The following ROS1 variants were observed in gnomAD, a reference collection of about 807,000 sequenced individuals.
ROS1 encodes proto-oncogene tyrosine-protein kinase ROS.
Under a neutral mutation model 273.5 loss-of-function variants are expected in ROS1, and 263 were observed. The ratio of observed to expected loss-of-function variants is 0.96; its 90% CI spans 0.87 to 1.06. ROS1 has a LOEUF of 1.06. Ranked by LOEUF, ROS1 falls within the 50% of genes least tolerant of loss-of-function variation. The pLI is 0.00. For missense variants in ROS1, 2,833 were observed against 2,751.1 expected, an observed-to-expected ratio of 1.03 and a Z score of -0.67; for synonymous variants, 1,008 against 954.1, an observed-to-expected ratio of 1.06 and a Z score of -1.04.
chr6:117,407,684 A>C (rs2128731574), intron 5 of ROS1, among the ~76,000 whole-genome samples: 1 of 152,306 alleles, frequency 6.6e-6, no homozygotes, highest in South Asian at 2.1e-4. Context: ...CAAGCTACCA[A>C]TGACTTTCTT....
At chr6:117,292,144 T>C (rs969490415) in intron 43 of ROS1, among the ~76,000 whole-genome samples, 29 of 151,906 alleles carry the variant, frequency 1.9e-4, no homozygotes, top group South Asian at 4.1e-4. Context: ...TAATTTTTTC[T>C]ATTTTTTAGT....
At chr6:117,376,559 C>A (rs1781348625) in intron 18 of ROS1, among the ~76,000 whole-genome samples, 1 of 151,952 alleles carries the variant, frequency 6.6e-6, no homozygotes, top group Non-Finnish European at 1.5e-5. Context: ...TATAAATTAA[C>A]TTAAAAATGT....
At chr6:117,314,549 A>G (rs1184585845) in intron 39 of ROS1, among the ~76,000 whole-genome samples, 2 of 152,180 alleles carry the variant, frequency 1.3e-5, no homozygotes, top group Non-Finnish European at 2.9e-5. Flanking sequence ...GCTTTTGTCT[A>G]TAGAAAACAA....
At chr6:117,366,010 C>A in intron 19 of ROS1, 66 bp downstream of exon 19, 1 of 1,326,606 alleles carries the variant, frequency 7.5e-7, no homozygotes, top group Non-Finnish European at 1.1e-6. Context: ...AAAAAATATC[C>A]CAACCTAAAC....
chr6:117,408,974 A>C (rs1373512893), intron 5 of ROS1, among the ~76,000 whole-genome samples: 2 of 150,480 alleles, frequency 1.3e-5, no homozygotes, highest in African/African-American at 4.9e-5. Context: ...ACAAAAAACC[A>C]AACACTGCAT....
chr6:117,378,745 A>G (rs1298673953), intron 18 of ROS1, among the ~76,000 whole-genome samples: 2 of 152,142 alleles, frequency 1.3e-5, no homozygotes, highest in Non-Finnish European at 2.9e-5. Flanking sequence ...TCACAGGAAG[A>G]GTTCTGCCTT....
At chr6:117,397,686 G>C (rs1211907059) in intron 7 of ROS1, among the ~76,000 whole-genome samples, 1 of 152,164 alleles carries the variant, frequency 6.6e-6, no homozygotes, top group Non-Finnish European at 1.5e-5. Context: ...TGGAAATCCA[G>C]GCTGACTGAG....
chr6:117,379,013 G>T, intron 18 of ROS1, 46 bp downstream of exon 18: 3 of 1,135,110 alleles, frequency 2.6e-6, no homozygotes, highest in South Asian at 2.7e-5. Flanking sequence ...ATTTATGACT[G>T]ACAAGTTTTC....
At chr6:117,350,769 C>T (rs1778777447) in intron 27 of ROS1, among the ~76,000 whole-genome samples, 1 of 150,472 alleles carries the variant, frequency 6.6e-6, no homozygotes, top group Non-Finnish European at 1.5e-5. Context: ...TCCTCAGCCA[C>T]ATCCAGTCTA....
chr6:117,355,856 C>T (rs1484338349), intron 26 of ROS1, among the ~76,000 whole-genome samples: 2 of 152,096 alleles, frequency 1.3e-5, no homozygotes, highest in Non-Finnish European at 2.9e-5. Flanking sequence ...AGTGATCTAC[C>T]CACCTCGGCC....
intron 7 of ROS1, among the ~76,000 whole-genome samples, chr6:117,401,693 A>C (rs78719096): frequency 2.6e-5 from 4 of 152,016 alleles, no homozygotes; most frequent in Admixed American, 2.6e-4. Context: ...TCCTAGAACA[A>C]TGTCTGGTAT....
intron 18 of ROS1, among the ~76,000 whole-genome samples, chr6:117,378,618 C>T (rs867416387): frequency 3.9e-5 from 6 of 151,992 alleles, no homozygotes; most frequent in Admixed American, 1.3e-4. Context: ...TCTGACAATG[C>T]TAATGTGGAA....
chr6:117,394,839 G>A (rs866331110), intron 9 of ROS1, 101 bp from the exon 10 acceptor site: 5 of 1,042,260 alleles, frequency 4.8e-6, no homozygotes, highest in Non-Finnish European at 6.6e-6. Flanking sequence ...GGGGACTAGT[G>A]CTTGAAAGAG....
Position 117,326,427 on chromosome 6 carries a change from A to C in ROS1, c.5349-13T>G. The C allele has an allele frequency of 6.9e-7, 1 of 1,446,764 alleles. No homozygotes were observed. The highest frequency in any genetic ancestry group is 1.3e-5 in the South Asian group (1 of 75,398). The allele number at this position is 1,446,764 out of a possible 1,614,324, so 89.6% of individuals were successfully genotyped here. A position where few individuals can be genotyped will look rare whatever the true frequency, so the allele number is the denominator to read the frequency against. ...TGAAGTGCTCTTTCTGCAAAAAATA[A>C]TAAATACAGAAAATATACATGACAA... On this transcript the variant is annotated splice_polypyrimidine_tract_variant and intron_variant, in intron 33 of 43. Coordinates refer to ENST00000368507, the MANE Select transcript of ROS1 (RefSeq NM_001378902.1).
chr6:117,406,239 T>A (rs577480327), intron 5 of ROS1, among the ~76,000 whole-genome samples: 1 of 152,118 alleles, frequency 6.6e-6, no homozygotes, highest in Admixed American at 6.5e-5. Context: ...TATTTATTTA[T>A]TATGTTATTA....
Position 117,310,165 on chromosome 6 carries a change from T to C in ROS1, c.6332A>G (p.Lys2111Arg). 1 of 1,613,458 alleles carries C rather than the reference T, an allele frequency of 6.2e-7. No homozygotes were observed. Among genetic ancestry groups the C allele is most frequent in the South Asian group, 1.1e-5 (1 of 91,074 alleles). Residue 2111 changes from lysine to arginine, a missense_variant, in exon 41 of 44, where the codon AAG (lysine) becomes AGG (arginine). Coordinates refer to ENST00000368507, the MANE Select transcript of ROS1 (RefSeq NM_001378902.1). The part of the protein sequence containing the change: ...RDIYKNDYYR[K>R]RGEGLLPVRW... Reference sequence around the variant, plus strand: ...AACTGGGAGCAGGCCTTCCCCTCTCTTTCTATAGTAATCATTTTTATAGAT... The same window carrying C: ...AACTGGGAGCAGGCCTTCCCCTCTCCTTCTATAGTAATCATTTTTATAGAT...
chr6:117,404,945 A>T (rs543562669), intron 5 of ROS1, among the ~76,000 whole-genome samples: 1 of 152,194 alleles, frequency 6.6e-6, no homozygotes, highest in Non-Finnish European at 1.5e-5. Flanking sequence ...GTTTCACATT[A>T]TAAAATATTT....
Position 117,357,814 on chromosome 6 carries a change from G to T in ROS1, c.3829C>A (p.Pro1277Thr). 6.3e-7 allele frequency: 1 copy of T among 1,595,460 alleles called. No individual in the cohort carries two copies. The change falls in exon 25 of 44, where the codon CCT (proline) becomes ACT (threonine). Residue 1277 changes from proline to threonine, a missense_variant. Pro to Thr is a conservative substitution (Grantham distance 38, BLOSUM62 -1). Transcript: ENST00000368507. Reference sequence around the variant, plus strand: ...CTTGCATTTACATACCTTAAAAGAGGATATACAGAAAAAGAAATTATTGTT... The same window carrying T: ...CTTGCATTTACATACCTTAAAAGAGTATATACAGAAAAAGAAATTATTGTT... The part of the protein sequence containing the change: ...NSTIISFSVY[P>T]LLSRLYWTEV...
chr6:117,354,153 C>T (rs746045571), intron 26 of ROS1, among the ~76,000 whole-genome samples: 13 of 152,100 alleles, frequency 8.5e-5, no homozygotes, highest in Admixed American at 1.3e-4. Flanking sequence ...GAATTCAAGA[C>T]TAGACTGGGC....
Sources: gnomAD v4.1 joint callset for allele counts (sites outside exome capture counted in the v4.1 genomes callset) on GRCh38, gnomAD v4.1.1 for gene constraint, MANE v1.5 for transcripts, NCBI Gene and HGNC (gene_info 2026-07-23, HGNC 2026-07-21) for gene names.